Variants in MYT1L observed in about 807,000 individuals in gnomAD.
The protein encoded by MYT1L is myelin transcription factor 1-like protein.
MYT1L carries 12 observed loss-of-function variants against 126.7 expected under a neutral mutation model. The observed-to-expected ratio is 0.09, with a 90% confidence interval of 0.06 to 0.15. The LOEUF is 0.15. Ranked by LOEUF, MYT1L falls within the 10% of genes least tolerant of loss-of-function variation. MYT1L has a pLI of 1.00. For synonymous variants in MYT1L, 541 were observed against 604.2 expected (o/e 0.90, Z 1.53); for missense variants, 979 against 1,585.2 (o/e 0.62, Z 6.49).
chr2:1,886,826 C>G (rs1235761548), intron 17 of MYT1L, among the ~76,000 whole-genome samples: 1 of 151,824 alleles, frequency 6.6e-6, no homozygotes, highest in African/African-American at 2.4e-5. Flanking sequence ...TAAGATAAAA[C>G]ATTTGTGCTC....
chr2:2,288,169 C>T (rs760492223), intron 1 of MYT1L, among the ~76,000 whole-genome samples: 9 of 152,168 alleles, frequency 5.9e-5, no homozygotes, highest in African/African-American at 1.4e-4. Flanking sequence ...ATTTAATCCT[C>T]ACGACCAGGT....
chr2:2,101,059 C>G (rs924486713), intron 3 of MYT1L, among the ~76,000 whole-genome samples: 1 of 152,156 alleles, frequency 6.6e-6, no homozygotes, highest in East Asian at 1.9e-4. Flanking sequence ...TCTCTTTCAA[C>G]CTGGTTGCCT....
intron 8 of MYT1L, among the ~76,000 whole-genome samples, chr2:1,953,982 AG>A (rs2058113719): frequency 6.6e-6 from 1 of 152,192 alleles, no homozygotes; most frequent in African/African-American, 2.4e-5. Context: ...AAACCTGAGA[AG>A]GTTGACGGGG....
In MYT1L at chr2:1,801,734, A is replaced by T. The variant is rs760497540; in HGVS notation, c.3238T>A (p.Ser1080Thr). ...TTAATCATATCGGCTTCCATCTGGG[A>T]ATTGGATTCATTTAGCTCCTTGATT... The part of the protein sequence containing the change: ...EEIKELNESN[S>T]QMEADMIKLR... The change falls in exon 23 of 25, where the codon TCC becomes ACC. Residue 1080 changes from serine to threonine, a missense_variant. Ser to Thr is a moderately conservative substitution (Grantham distance 58, BLOSUM62 1). Around this residue, in one of 12 missense-constraint regions of MYT1L, gnomAD observed 179 missense variants for 398.6 expected, o/e 0.45. Transcript: ENST00000647738. The surrounding 1 kb of genome is among the most constrained non-coding windows in gnomAD (Gnocchi z 4.2). The T allele has an allele frequency of 6.2e-6, 10 of 1,611,964 alleles. No individual in the cohort carries two copies. The highest frequency in any genetic ancestry group is 8.5e-6 in the Non-Finnish European group (10 of 1,179,220).
At position 2,280,664 on chromosome 2, in the gene MYT1L, C is replaced by T. The variant is rs564458359; in HGVS notation, c.-421+3740G>A. On this transcript the variant is annotated intron_variant, in intron 2 of 24. Coordinates refer to ENST00000647738, the MANE Select transcript of MYT1L (RefSeq NM_001303052.2). ...ACATCAACTTCGTAGGACACGGCTGCAGTGCAGCAGTCTGTGCAGGGTGGC... is the reference window on the plus strand; with the variant it reads ...ACATCAACTTCGTAGGACACGGCTGTAGTGCAGCAGTCTGTGCAGGGTGGC... Among the ~76,000 whole-genome samples the T allele has an allele frequency of 4.4e-4, 67 of 152,288 alleles. 1 individual carries two copies. Among genetic ancestry groups the T allele is most frequent in the East Asian group, 3.9e-4 (2 of 5,168 alleles).
In MYT1L at chr2:1,876,526, T is replaced by C. The variant is rs564618116; in HGVS notation, c.2711+10013A>G. On this transcript the variant is annotated intron_variant, in intron 18 of 24. Transcript: ENST00000647738. The stretch of plus-strand genomic sequence containing the variant: ...GGGCTCCTGAGCCCGCGCCTACCCC[T>C]CACCCCGGCAACCTTTCCCCATGGC... Among the ~76,000 whole-genome samples the C allele has an allele frequency of 1.6e-4, 24 of 151,678 alleles. No individual in the cohort carries two copies. In the South Asian group the frequency reaches 4.8e-3, roughly 31 times the overall value.
intron 2 of MYT1L, among the ~76,000 whole-genome samples, chr2:2,191,417 A>G (rs2092584416): frequency 6.6e-6 from 1 of 152,236 alleles, no homozygotes. Flanking sequence ...AACATGTGAG[A>G]GCACTCTGGG....
At chr2:1,896,237 T>C (rs926399668) in intron 14 of MYT1L, among the ~76,000 whole-genome samples, 1 of 152,314 alleles carries the variant, frequency 6.6e-6, no homozygotes, top group East Asian at 1.9e-4. Flanking sequence ...ACATTCTTGG[T>C]GGAAATGCAA....
intron 1 of MYT1L, among the ~76,000 whole-genome samples, chr2:2,300,655 C>T (rs2095768245): frequency 6.6e-6 from 1 of 152,170 alleles, no homozygotes; most frequent in African/African-American, 2.4e-5. Flanking sequence ...AGAACTTTGT[C>T]CCATGCGCAT....
At position 1,929,088 on chromosome 2, in the gene MYT1L, C is replaced by T. The variant is rs980550465; in HGVS notation, c.506-5825G>A. ...CCCTGGCCAGGACCAGGCGGAGAAG[C>T]GTGAGTTCATTTCCCTCTCGCTTCA... is the stretch of plus-strand genomic sequence containing the variant. On this transcript the variant is annotated intron_variant, in intron 9 of 24. Coordinates refer to ENST00000647738, the MANE Select transcript of MYT1L (RefSeq NM_001303052.2). This position sits in a 1 kb window ranked among gnomAD's most constrained non-coding sequence, Gnocchi z 4.7. Among the ~76,000 whole-genome samples the T allele has an allele frequency of 3.9e-5, 6 of 152,140 alleles. No individual in the cohort carries two copies. Among genetic ancestry groups the T allele is most frequent in the African/African-American group, 1.4e-4 (6 of 41,416 alleles).
intron 3 of MYT1L, among the ~76,000 whole-genome samples, chr2:2,058,195 A>G (rs1310576707): frequency 6.6e-6 from 1 of 152,202 alleles, no homozygotes; most frequent in East Asian, 1.9e-4. Context: ...TGATGGAATT[A>G]AATATCTTTT....
intron 3 of MYT1L, among the ~76,000 whole-genome samples, chr2:2,055,025 G>A (rs1050527777): frequency 1.3e-5 from 2 of 152,260 alleles, no homozygotes; most frequent in Admixed American, 6.5e-5. Context: ...CAACAACCTC[G>A]TATCACACCC....
At chr2:2,310,343 A>G (rs1037289623) in intron 1 of MYT1L, among the ~76,000 whole-genome samples, 1 of 151,968 alleles carries the variant, frequency 6.6e-6, no homozygotes, top group Non-Finnish European at 1.5e-5. Flanking sequence ...CACTCTACCC[A>G]TACTCCACTT....
intron 23 of MYT1L, among the ~76,000 whole-genome samples, chr2:1,794,697 G>C (rs17039079): frequency 0.011 from 1,698 of 152,268 alleles, 30 homozygotes; most frequent in African/African-American, 0.038. Flanking sequence ...CTATGTTCAG[G>C]AATCTCTGTG....
At chr2:2,181,696 C>T (rs185032212) in intron 2 of MYT1L, among the ~76,000 whole-genome samples, 1 of 152,106 alleles carries the variant, frequency 6.6e-6, no homozygotes, top group Non-Finnish European at 1.5e-5. Context: ...TGCTCCCCTG[C>T]TCTCTAAACC....
chr2:2,006,000 C>A (rs2063281847), intron 4 of MYT1L, among the ~76,000 whole-genome samples: 1 of 148,648 alleles, frequency 6.7e-6, no homozygotes, highest in Admixed American at 6.6e-5. Context: ...GCGTTCTTTC[C>A]TGCATGCATT....
intron 4 of MYT1L, among the ~76,000 whole-genome samples, chr2:2,016,633 G>C (rs2064433377): frequency 6.6e-6 from 1 of 152,170 alleles, no homozygotes; most frequent in Non-Finnish European, 1.5e-5. Context: ...GGAAACATAT[G>C]TGAAAGAAGA....
chr2:2,025,176 G>C (rs571036973), intron 4 of MYT1L, among the ~76,000 whole-genome samples: 12 of 152,340 alleles, frequency 7.9e-5, no homozygotes, highest in African/African-American at 2.9e-4. Flanking sequence ...CCCTGGCATT[G>C]CTTCTTCCCT....
rs981950775 is a variant in MYT1L, at chr2:2,150,876, G to GGGAA, written c.-304+21992_-304+21995dup. The stretch of plus-strand genomic sequence containing the variant: ...GGGAAGGGAAGGAGGGAAGAAGGGA[G>GGGAA]GGAAGGAAGGAAGGAAGGGAAGGAG... On this transcript the variant is annotated intron_variant, in intron 3 of 24. Transcript: ENST00000647738. Among the ~76,000 whole-genome samples the GGGAA allele has an allele frequency of 6.2e-5, 9 of 145,650 alleles. No homozygotes were observed. The East Asian group carries it at 6.3e-4, about 10-fold the overall frequency.
Sources: allele counts gnomAD v4.1 joint callset (sites outside exome capture counted in the v4.1 genomes callset), GRCh38; gene constraint gnomAD v4.1.1; regional missense constraint gnomAD v4.1.1; non-coding constraint Gnocchi (gnomAD v3.1); transcripts MANE v1.5; gene names NCBI Gene and HGNC (gene_info 2026-07-23, HGNC 2026-07-21).